SGCD: variants seen among roughly 807,000 people sequenced by gnomAD.
SGCD encodes the protein sarcoglycan delta.
SGCD carries 18 observed loss-of-function variants against 36.6 expected under a neutral mutation model. The ratio of observed to expected loss-of-function variants is 0.49; its 90% CI spans 0.34 to 0.73. The LOEUF (loss-of-function observed/expected upper bound fraction) is 0.73, where lower values mean the gene tolerates loss of function less well. Among genes scored for constraint, SGCD ranks in the 30% least tolerant of loss-of-function variants. The pLI, the probability that SGCD is intolerant of heterozygous loss-of-function variation, is 0.01. For synonymous variants in SGCD, 133 were observed against 130.6 expected (o/e 1.02, Z -0.12); for missense variants, 387 against 346.7 (o/e 1.12, Z -0.92).
intron 3 of SGCD, among the ~76,000 whole-genome samples, chr5:156,479,037 C>T (rs1165040964): frequency 6.6e-6 from 1 of 152,106 alleles, no homozygotes; most frequent in African/African-American, 2.4e-5. Flanking sequence ...TGTATACATA[C>T]AAAAATTTAA....
chr5:156,655,224 CAT>C (rs1763626305), intron 7 of SGCD, among the ~76,000 whole-genome samples: 1 of 152,068 alleles, frequency 6.6e-6, no homozygotes, highest in African/African-American at 2.4e-5. Flanking sequence ...CCTAATCAAA[CAT>C]GAGAAAATTA....
chr5:156,335,610 A>T (rs1768307006), intron 2 of SGCD, among the ~76,000 whole-genome samples: 1 of 152,004 alleles, frequency 6.6e-6, no homozygotes, highest in African/African-American at 2.4e-5. Flanking sequence ...TGCCTTCAAC[A>T]TTAACACGCC....
chr5:155,780,552 A>G, the SGCD span, among the ~76,000 whole-genome samples: 387 of 152,284 alleles, frequency 2.5e-3, 1 homozygote, highest in African/African-American at 7.2e-3. Context: ...GCTGAGAATT[A>G]CTTGTCTTGC....
chr5:156,724,761 A>G (rs1274905917), intron 7 of SGCD, among the ~76,000 whole-genome samples: 1 of 152,202 alleles, frequency 6.6e-6, no homozygotes, highest in Non-Finnish European at 1.5e-5. Context: ...ATAAGCCCCC[A>G]GTTAGGTCTT....
At chr5:156,178,313 C>T (rs1184946634) in intron 3 of SGCD, among the ~76,000 whole-genome samples, 3 of 152,098 alleles carry the variant, frequency 2.0e-5, no homozygotes, top group Non-Finnish European at 2.9e-5. Context: ...GATAATGCTT[C>T]GAGTGCGTCA....
intron 3 of SGCD, among the ~76,000 whole-genome samples, chr5:156,464,750 C>A (rs1346417564): frequency 6.6e-6 from 1 of 152,106 alleles, no homozygotes; most frequent in African/African-American, 2.4e-5. Context: ...ACATGGCTTG[C>A]ACAATACACC....
intron 3 of SGCD, among the ~76,000 whole-genome samples, chr5:156,280,814 A>G (rs550052355): frequency 6.6e-5 from 10 of 152,300 alleles, no homozygotes; most frequent in East Asian, 3.9e-4. Flanking sequence ...TTTTGGACCC[A>G]ATTTCTACCC....
chr5:156,160,798 T>C (rs750728981), intron 3 of SGCD, among the ~76,000 whole-genome samples: 20 of 151,764 alleles, frequency 1.3e-4, no homozygotes, highest in Non-Finnish European at 2.9e-4. Flanking sequence ...ATATTTTCTG[T>C]CTTTTCTTCC....
chr5:156,072,160 TG>T (rs1403778220), intron 1 of SGCD, among the ~76,000 whole-genome samples: 1 of 149,510 alleles, frequency 6.7e-6, no homozygotes, highest in East Asian at 1.9e-4. Flanking sequence ...TGTGTGAATT[TG>T]ATCCTGTCAT....
At chr5:155,879,520 A>G (rs1324857306) in intron 1 of SGCD, among the ~76,000 whole-genome samples, 1 of 152,168 alleles carries the variant, frequency 6.6e-6, no homozygotes, top group Non-Finnish European at 1.5e-5. Flanking sequence ...GAGTAACCAC[A>G]CAATTTCCTT....
At position 156,670,567 on chromosome 5, in the gene SGCD, A is replaced by G. The variant is rs140504675; in HGVS notation, c.575+23031A>G. Among the ~76,000 whole-genome samples, 180 of 152,296 alleles carry G rather than the reference A, an allele frequency of 1.2e-3. 3 individuals are homozygous for G. The East Asian group carries it at 0.031, about 26-fold the overall frequency. On this transcript the variant is annotated intron_variant, in intron 7 of 8. Coordinates refer to ENST00000337851, the MANE Select transcript of SGCD (RefSeq NM_000337.6). ...AAGCCAGCCTTGTTTTATTCCACTT[A>G]TAACCTTTTCAAAACAAAGAGTAAT...
At chr5:156,694,715 TCTC>T (rs1754239941) in intron 7 of SGCD, among the ~76,000 whole-genome samples, 1 of 152,160 alleles carries the variant, frequency 6.6e-6, no homozygotes. Flanking sequence ...ACTACATTAT[TCTC>T]CTCCCCACTG....
In SGCD at chr5:156,610,239, G is replaced by C. The variant is rs558415669; in HGVS notation, c.502+15188G>C. On this transcript the variant is annotated intron_variant, in intron 6 of 8. Transcript: ENST00000337851. Reference sequence around the variant, plus strand: ...GGGTTTTGGTGTGGATGTCCTTTCTGTTTGTTAGTTTTCCTTCTAACAGTC... The same window carrying C: ...GGGTTTTGGTGTGGATGTCCTTTCTCTTTGTTAGTTTTCCTTCTAACAGTC... 4.3e-3 allele frequency among the ~76,000 whole-genome samples: 655 copies of C among 152,294 alleles called. 4 individuals are homozygous for C. The highest frequency in any genetic ancestry group is 0.02 in the Middle Eastern group (6 of 294).
At chr5:156,522,263 A>G (rs1166472203) in intron 4 of SGCD, among the ~76,000 whole-genome samples, 3 of 152,184 alleles carry the variant, frequency 2.0e-5, no homozygotes, top group Non-Finnish European at 4.4e-5. Context: ...TGATGGGTGC[A>G]GCAAATCAAC....
chr5:156,302,084 T>C (rs1301290148), intron 3 of SGCD, among the ~76,000 whole-genome samples: 1 of 152,174 alleles, frequency 6.6e-6, no homozygotes, highest in Non-Finnish European at 1.5e-5. Flanking sequence ...ATTATCCCTT[T>C]GAATAAACTT....
chr5:156,109,821 C>A (rs921193479), intron 1 of SGCD, among the ~76,000 whole-genome samples: 1 of 152,152 alleles, frequency 6.6e-6, no homozygotes, highest in Non-Finnish European at 1.5e-5. Context: ...CTATGTCTGA[C>A]TCATTTGTCA....
chr5:156,229,113 G>T (rs1164727650), intron 3 of SGCD, among the ~76,000 whole-genome samples: 2 of 151,188 alleles, frequency 1.3e-5, no homozygotes, highest in Non-Finnish European at 2.9e-5. Context: ...TCAAACATTG[G>T]ACTTCAAGTT....
chr5:156,731,466 T>G (rs1756058441), intron 7 of SGCD, among the ~76,000 whole-genome samples: 1 of 152,220 alleles, frequency 6.6e-6, no homozygotes, highest in Non-Finnish European at 1.5e-5. Flanking sequence ...GGCTAGCCAG[T>G]TATCTGAGCA....
At position 156,715,242 on chromosome 5, in the gene SGCD, A is replaced by G. The variant is rs1227127818; in HGVS notation, c.576-42339A>G. On this transcript the variant is annotated intron_variant, in intron 7 of 8. Coordinates refer to ENST00000337851, the MANE Select transcript of SGCD (RefSeq NM_000337.6). ...GTAAGATGAATAATGATTAAATTCA[A>G]TGCAATTATTATGAATTGACTCTAG... Among the ~76,000 whole-genome samples, 6 of 152,330 alleles carry G rather than the reference A, an allele frequency of 3.9e-5. No individual in the cohort carries two copies. The East Asian group carries it at 1.2e-3, about 29-fold the overall frequency.
Sources: allele counts gnomAD v4.1 joint callset (sites outside exome capture counted in the v4.1 genomes callset), GRCh38; gene constraint gnomAD v4.1.1; transcripts MANE v1.5; gene names NCBI Gene and HGNC (gene_info 2026-07-23, HGNC 2026-07-21).